The following EMC3 variants were observed in gnomAD, a reference collection of about 807,000 sequenced individuals.
The protein encoded by EMC3 is 30 kDa protein.
EMC3 carries 13 observed loss-of-function variants against 36.6 expected under a neutral mutation model. The observed-to-expected ratio is 0.35, with a 90% confidence interval of 0.23 to 0.56. EMC3 has a LOEUF of 0.56. Among genes scored for constraint, EMC3 ranks in the 20% least tolerant of loss-of-function variants. The probability of loss-of-function intolerance (pLI) is 0.84; values close to 1 mark genes in which losing one functional copy is unlikely to be tolerated. For missense variants in EMC3, 220 were observed against 324.5 expected (o/e 0.68, Z 2.47); for synonymous variants, 120 against 111.9 (o/e 1.07, Z -0.46).
chr3:9,998,409 T>TAATAATAATA lies in EMC3; in HGVS notation c.-241-11508_-241-11507insTATTATTATT, dbSNP rs1331215644. 5.8e-5 allele frequency among the ~76,000 whole-genome samples: 6 copies of TAATAATAATA among 104,002 alleles called. No homozygotes were observed. The South Asian group carries it at 9.0e-4, about 16-fold the overall frequency. The allele number at this position is 104,002 out of a possible 152,430, so 68.2% of individuals were successfully genotyped here. On this transcript the variant is annotated intron_variant, in intron 1 of 8. Transcript: ENST00000470827. ...TAATAATAATAATAATAATAATAATTTTGCTTTTAATGAATTAATAATTTA... is the reference window on the plus strand; with the variant it reads ...TAATAATAATAATAATAATAATAATTAATAATAATATTGCTTTTAATGAATTAATAATTTA...
chr3:9,974,541 G>A, intron 3 of EMC3, 53 bp from the exon 4 acceptor site: 7 of 1,233,908 alleles, frequency 5.7e-6, no homozygotes, highest in Non-Finnish European at 8.3e-6. Context: ...TGTTGCCAGG[G>A]ACTTTCTCCT....
intron 4 of EMC3, 110 bp from the exon 5 acceptor site, chr3:9,973,819 C>T (rs1217533566): frequency 1.0e-5 from 10 of 969,866 alleles, no homozygotes; most frequent in East Asian, 4.8e-5. Context: ...TTTTGGAAAA[C>T]GACTTCCACA....
upstream of EMC3, chr3:9,988,407 GTAT>G: frequency 2.3e-6 from 3 of 1,328,120 alleles, no homozygotes; most frequent in Non-Finnish European, 3.3e-6. Context: ...GGTCAGAACC[GTAT>G]TATTCTCTTT....
Position 9,970,571 on chromosome 3 carries a change from A to G in EMC3, c.574+11T>C. On this transcript the variant is annotated intron_variant, in intron 6 of 7. Transcript: ENST00000245046. ...GAAGTATTTGCTTAGTAAACCTGAC[A>G]TGCTTCTTACCATTATCTTGGCCCA... is the stretch of plus-strand genomic sequence containing the variant. 1.2e-6 allele frequency: 2 copies of G among 1,614,046 alleles called. No individual in the cohort carries two copies. The highest frequency in any genetic ancestry group is 1.7e-6 in the Non-Finnish European group (2 of 1,179,898).
chr3:9,974,939 C>G (rs2085829813), intron 3 of EMC3, among the ~76,000 whole-genome samples: 1 of 144,976 alleles, frequency 6.9e-6, no homozygotes, highest in South Asian at 2.2e-4. Flanking sequence ...CAGCTCACTG[C>G]AACCTCCGCC....
At chr3:9,965,504 T>C (rs1559348480) in intron 7 of EMC3, among the ~76,000 whole-genome samples, 1 of 152,128 alleles carries the variant, frequency 6.6e-6, no homozygotes, top group Non-Finnish European at 1.5e-5. Context: ...AGCTCATGAG[T>C]GAGTTTTTCA....
upstream of EMC3, chr3:9,988,057 C>G: frequency 1.6e-6 from 1 of 638,886 alleles, no homozygotes; most frequent in Non-Finnish European, 2.9e-6. Context: ...TAGGATGTCA[C>G]AGTTCTCTGA....
At chr3:9,969,348 C>T (rs779657129) in intron 7 of EMC3, 7 of 1,107,052 alleles carry the variant, frequency 6.3e-6, no homozygotes, top group East Asian at 8.4e-5. Flanking sequence ...AATTCTAGAA[C>T]CTTTTTGTGA....
At chr3:9,967,735 G>C (rs982660080) in intron 7 of EMC3, among the ~76,000 whole-genome samples, 1 of 152,158 alleles carries the variant, frequency 6.6e-6, no homozygotes, top group Non-Finnish European at 1.5e-5. Context: ...GTCAATTTCT[G>C]CAAGAATGGC....
At chr3:10,007,732 C>G in intron 1 of EMC3, 4 of 1,051,444 alleles carry the variant, frequency 3.8e-6, no homozygotes, top group African/African-American at 1.7e-5. Context: ...GTGCAGATGC[C>G]CATCAGCACC....
At chr3:9,983,614 G>A (rs565456128) in intron 1 of EMC3, among the ~76,000 whole-genome samples, 1 of 152,134 alleles carries the variant, frequency 6.6e-6, no homozygotes, top group African/African-American at 2.4e-5. Context: ...AGAGGTTGCA[G>A]TGAGCCAAGA....
At chr3:9,998,373 A>T (rs1346678988) in intron 1 of EMC3, among the ~76,000 whole-genome samples, 1 of 136,268 alleles carries the variant, frequency 7.3e-6, no homozygotes, top group Non-Finnish European at 1.5e-5. Context: ...CTCAAATAAT[A>T]ATAATAATAA....
intron 1 of EMC3, chr3:10,000,906 A>G: frequency 2.3e-6 from 1 of 438,052 alleles, no homozygotes; most frequent in Non-Finnish European, 4.6e-6. Flanking sequence ...GGCACTGGGC[A>G]CACTTCTGAA....
At position 9,962,953 on chromosome 3, in the gene EMC3, G is replaced by C. The variant is rs1419009226; in HGVS notation, c.*1116C>G. The C allele has an allele frequency of 6.6e-6, 1 of 152,114 alleles. No homozygotes were observed. The highest frequency in any genetic ancestry group is 1.5e-5 in the Non-Finnish European group (1 of 68,036). The allele number at this position is 152,114 out of a possible 1,614,324, so 9.4% of individuals were successfully genotyped here. A position where few individuals can be genotyped will look rare whatever the true frequency, so the allele number is the denominator to read the frequency against. ...TCATCCAAAGGAGTAGCCATTTCCA[G>C]TATAGCACCACTGATTTGTCAATGG... is the stretch of plus-strand genomic sequence containing the variant. On this transcript the variant is annotated 3_prime_UTR_variant, in exon 8 of 8. Transcript: ENST00000245046.
intron 1 of EMC3, among the ~76,000 whole-genome samples, chr3:9,978,560 A>G (rs542399425): frequency 1.1e-4 from 17 of 152,266 alleles, no homozygotes; most frequent in African/African-American, 4.1e-4. Context: ...GGCCAGGCGC[A>G]GTGGCTCACA....
intron 1 of EMC3, among the ~76,000 whole-genome samples, chr3:10,005,414 G>T (rs1302128677): frequency 2.0e-5 from 3 of 152,074 alleles, no homozygotes; most frequent in Non-Finnish European, 4.4e-5. Flanking sequence ...ACGCTCCCTG[G>T]GCCAGGCATG....
At chr3:9,980,442 G>A (rs2085898073) in intron 1 of EMC3, among the ~76,000 whole-genome samples, 1 of 150,934 alleles carries the variant, frequency 6.6e-6, no homozygotes, top group Non-Finnish European at 1.5e-5. Flanking sequence ...CTTGGCTCAT[G>A]GCAACCTTGA....
chr3:10,002,274 CTTTTT>C (rs796467672), intron 1 of EMC3, among the ~76,000 whole-genome samples: 4 of 99,622 alleles, frequency 4.0e-5, no homozygotes, highest in Admixed American at 9.2e-5. Context: ...TCAGCAGTTT[CTTTTT>C]TTATTTTATT....
Position 9,969,720 on chromosome 3 carries a change from T to G in EMC3, c.656A>C (p.Lys219Thr). The G allele has an allele frequency of 6.2e-7, 1 of 1,614,168 alleles. No homozygotes were observed. Among genetic ancestry groups the G allele is most frequent in the Non-Finnish European group, 8.5e-7 (1 of 1,180,024 alleles). The change falls in exon 7 of 8, where the codon AAG becomes ACG. Residue 219 changes from lysine (K) to threonine (T), a missense_variant and splice_region_variant. Physicochemically the swap from Lys to Thr is moderately conservative, Grantham distance 78. This residue lies in a region of EMC3 where 56 missense variants were observed against 117.0 expected (regional missense o/e 0.48). Transcript: ENST00000245046. ...AMPADTNKAF[K>T]TEWEALELTD... ...GCTTTGAAAGGTGAAGGAGTATACC[T>G]TGAAAGCTTTGTTTGTGTCTGCGGG...
Sources: gnomAD v4.1 joint callset for allele counts (sites outside exome capture counted in the v4.1 genomes callset) on GRCh38, gnomAD v4.1.1 for gene constraint, gnomAD v4.1.1 regional missense constraint, MANE v1.5 for transcripts, NCBI Gene and HGNC (gene_info 2026-07-23, HGNC 2026-07-21) for gene names.